Variants in LINS1 observed in about 807,000 individuals in gnomAD.
LINS1 encodes protein Lines homolog 1.
In LINS1, 27 loss-of-function variants were observed where a neutral mutation model predicts 41.6. That is an observed-to-expected ratio of 0.65 (90% CI 0.48 to 0.89). The LOEUF (loss-of-function observed/expected upper bound fraction) is 0.89, where lower values mean the gene tolerates loss of function less well. LINS1 is among the 40% of genes least tolerant of loss of function. LINS1 has a pLI of 0.00. For missense variants in LINS1, 955 were observed against 884.1 expected (o/e 1.08, Z -1.02); for synonymous variants, 336 against 312.9 (o/e 1.07, Z -0.78).
chr15:100,575,839 G>A (rs910929388), intron 3 of LINS1, among the ~76,000 whole-genome samples: 2 of 152,184 alleles, frequency 1.3e-5, no homozygotes, highest in African/African-American at 2.4e-5. Context: ...AGACCACAGT[G>A]CAATCAAACT....
chr15:100,571,723 C>A (rs377472635), intron 6 of LINS1, among the ~76,000 whole-genome samples, 171 bp downstream of exon 6: 1 of 152,144 alleles, frequency 6.6e-6, no homozygotes, highest in Non-Finnish European at 1.5e-5. Context: ...GTTTTCCTAG[C>A]GATACAAATG....
intron 1 of LINS1, among the ~76,000 whole-genome samples, chr15:100,601,787 C>T (rs751605769): frequency 9.2e-5 from 14 of 152,068 alleles, no homozygotes; most frequent in Non-Finnish European, 2.1e-4. Context: ...TTCCCCACGA[C>T]CCCTCTCCAT....
chr15:100,577,116 C>G (rs534940565), intron 3 of LINS1, among the ~76,000 whole-genome samples: 1 of 152,304 alleles, frequency 6.6e-6, no homozygotes, highest in South Asian at 2.1e-4. Flanking sequence ...AAAACTGGCA[C>G]AAGACAGGGA....
chr15:100,578,399 A>G (rs1234302555), intron 3 of LINS1, among the ~76,000 whole-genome samples: 11 of 152,116 alleles, frequency 7.2e-5, no homozygotes, highest in Non-Finnish European at 1.5e-4. Flanking sequence ...GAAGACATTT[A>G]TGCAGCCAAC....
chr15:100,569,954 A>T lies in LINS1; in HGVS notation c.1558T>A (p.Phe520Ile). 6.3e-7 allele frequency: 1 copy of T among 1,587,840 alleles called. No individual in the cohort carries two copies. ...LDFLISSETC[F>I]LEYFVRYLKL... ...AAATATCTAACAAAATATTCAAGAA[A>T]ACAGGTTTCTGATGAAATCAAAAAG... Residue 520 changes from phenylalanine (F) to isoleucine (I), a missense_variant, in exon 7 of 7, where the codon TTT becomes ATT. By Grantham distance (21) the Phe-to-Ile change is conservative. Coordinates refer to ENST00000314742, the MANE Select transcript of LINS1 (RefSeq NM_001040616.3).
chr15:100,580,938 A>G lies in LINS1; in HGVS notation c.-96T>C. On this transcript the variant is annotated 5_prime_UTR_variant, in exon 2 of 7. Transcript: ENST00000314742. Reference sequence around the variant, plus strand: ...CAATGAATCTCTAAGAAGTTTCTTCAGTGAAACCTAAAATAGGAAAAATAA... The same window carrying G: ...CAATGAATCTCTAAGAAGTTTCTTCGGTGAAACCTAAAATAGGAAAAATAA... The G allele has an allele frequency of 8.8e-7, 1 of 1,141,802 alleles. No individual in the cohort carries two copies. The highest frequency in any genetic ancestry group is 1.3e-6 in the Non-Finnish European group (1 of 796,886). The allele number at this position is 1,141,802 out of a possible 1,614,324, so 70.7% of individuals were successfully genotyped here. A position where few individuals can be genotyped will look rare whatever the true frequency, so the allele number is the denominator to read the frequency against.
At chr15:100,582,003 TAC>T in intron 1 of LINS1, among the ~76,000 whole-genome samples, 1 of 152,264 alleles carries the variant, frequency 6.6e-6, no homozygotes, top group Non-Finnish European at 1.5e-5. Context: ...TTAACAAAAT[TAC>T]AGACTTCTCT....
chr15:100,584,463 T>G (rs1156887881), intron 1 of LINS1, among the ~76,000 whole-genome samples: 1 of 152,110 alleles, frequency 6.6e-6, no homozygotes, highest in Non-Finnish European at 1.5e-5. Flanking sequence ...GGCTGTTTTC[T>G]CTCATGGTGG....
At chr15:100,583,319 G>A (rs896991974) in intron 1 of LINS1, among the ~76,000 whole-genome samples, 1 of 152,220 alleles carries the variant, frequency 6.6e-6, no homozygotes, top group Non-Finnish European at 1.5e-5. Flanking sequence ...TTAATGGCTG[G>A]CTTCTTCCCC....
At position 100,572,680 on chromosome 15, in the gene LINS1, T is replaced by C. The variant is rs1041142678; in HGVS notation, c.1223-615A>G. ...TATCCAAAGCAATTCAGTGATGTCA[T>C]TGCTCACAATTCAAACTTTTCACTG... On this transcript the variant is annotated intron_variant, in intron 5 of 6. Transcript: ENST00000314742. 18 of 986,430 alleles carry C rather than the reference T, an allele frequency of 1.8e-5. No individual in the cohort carries two copies. The African/African-American group carries it at 2.8e-4, about 15-fold the overall frequency. The allele number at this position is 986,430 out of a possible 1,614,324, so 61.1% of individuals were successfully genotyped here.
chr15:100,573,994 A>G lies in LINS1; in HGVS notation c.879T>C (p.Ala293=). The change falls in exon 5 of 7, where the codon GCT becomes GCC. Residue 293 remains alanine (A), a synonymous_variant. Coordinates refer to ENST00000314742, the MANE Select transcript of LINS1 (RefSeq NM_001040616.3). The part of the protein sequence containing the change: ...MLEVITWPIQ[A]FVKRKVIIFL... ...ATATGATGACCTTCCTTTTAACAAA[A>G]GCCTGAATAGGCCAGGTAATAACTT... 6.2e-7 allele frequency: 1 copy of G among 1,614,222 alleles called. No individual in the cohort carries two copies. The highest frequency in any genetic ancestry group is 8.5e-7 in the Non-Finnish European group (1 of 1,180,032).
intron 1 of LINS1, among the ~76,000 whole-genome samples, chr15:100,600,997 C>T (rs910057074): frequency 6.6e-6 from 1 of 152,220 alleles, no homozygotes; most frequent in African/African-American, 2.4e-5. Flanking sequence ...CATTTTCCTA[C>T]CACTCTGCTT....
intron 1 of LINS1, among the ~76,000 whole-genome samples, chr15:100,592,855 T>C (rs149074543): frequency 2.2e-4 from 33 of 152,356 alleles, no homozygotes; most frequent in Non-Finnish European, 4.0e-4. Context: ...GGCTGTTTTA[T>C]TGTGATCAAG....
intron 1 of LINS1, among the ~76,000 whole-genome samples, chr15:100,597,659 C>T (rs2039305229): frequency 6.6e-6 from 1 of 152,214 alleles, no homozygotes; most frequent in Non-Finnish European, 1.5e-5. Context: ...TTAAGTGGTA[C>T]TTCAGAATGA....
At chr15:100,597,771 C>G (rs562474277) in intron 1 of LINS1, among the ~76,000 whole-genome samples, 4 of 152,280 alleles carry the variant, frequency 2.6e-5, no homozygotes, top group Admixed American at 1.3e-4. Context: ...GGCAGGGTAG[C>G]GTTGAGGAAC....
chr15:100,591,563 A>C (rs2039037860), intron 1 of LINS1, among the ~76,000 whole-genome samples: 1 of 152,262 alleles, frequency 6.6e-6, no homozygotes, highest in Non-Finnish European at 1.5e-5. Context: ...GCTTGCATTA[A>C]GACGTTAAGG....
chr15:100,597,875 C>T (rs1241628595), intron 1 of LINS1, among the ~76,000 whole-genome samples: 1 of 152,246 alleles, frequency 6.6e-6, no homozygotes, highest in Non-Finnish European at 1.5e-5. Flanking sequence ...ACGAGATTAT[C>T]TACCTACCTC....
intron 1 of LINS1, among the ~76,000 whole-genome samples, chr15:100,600,550 G>GGAAAAAAAAAAAA (rs1567106000): frequency 3.2e-4 from 1 of 3,156 alleles, no homozygotes. Flanking sequence ...CTGCTGTTAA[G>GGAAAAAAAAAAAA]CAAAAAAAAA....
intron 1 of LINS1, among the ~76,000 whole-genome samples, chr15:100,599,877 C>T (rs1434200909): frequency 6.6e-6 from 1 of 152,044 alleles, no homozygotes; most frequent in East Asian, 1.9e-4. Flanking sequence ...ACCAGCCTGG[C>T]CAACGTGGTA....
Sources: allele counts gnomAD v4.1 joint callset (sites outside exome capture counted in the v4.1 genomes callset), GRCh38; gene constraint gnomAD v4.1.1; transcripts MANE v1.5; gene names NCBI Gene and HGNC (gene_info 2026-07-23, HGNC 2026-07-21).